Variants in RABL3 observed in about 807,000 individuals in gnomAD.
The protein encoded by RABL3 is RAB, member of RAS oncogene family like 3.
In RABL3, 31 loss-of-function variants were observed where a neutral mutation model predicts 31.8. The observed-to-expected ratio is 0.97, with a 90% CI of 0.73 to 1.31. RABL3 has a LOEUF of 1.31. RABL3 is among the 40% of genes most tolerant of loss of function. The pLI is 0.00. For missense variants in RABL3, 263 were observed against 279.6 expected (o/e 0.94, Z 0.42); for synonymous variants, 97 against 99.9 (o/e 0.97, Z 0.18).
chr3:120,726,431 G>A (rs1708821780), intron 2 of RABL3, among the ~76,000 whole-genome samples: 1 of 152,084 alleles, frequency 6.6e-6, no homozygotes, highest in Non-Finnish European at 1.5e-5. Context: ...TGGAGACTAG[G>A]CTGGGGCAAC....
intron 2 of RABL3, among the ~76,000 whole-genome samples, chr3:120,711,659 A>G (rs1326751127): frequency 6.6e-6 from 1 of 152,166 alleles, no homozygotes; most frequent in East Asian, 1.9e-4. Flanking sequence ...GTACTGTATA[A>G]CTATTCAGAA....
At chr3:120,699,905 T>C (rs1401052361) in intron 4 of RABL3, among the ~76,000 whole-genome samples, 1 of 152,168 alleles carries the variant, frequency 6.6e-6, no homozygotes, top group Non-Finnish European at 1.5e-5. Context: ...ATTCGCTTTG[T>C]TAGGGAATGA....
chr3:120,719,399 G>A (rs909357044), intron 2 of RABL3, among the ~76,000 whole-genome samples: 33 of 152,212 alleles, frequency 2.2e-4, no homozygotes, highest in African/African-American at 7.2e-4. Context: ...AGCAAGGCGA[G>A]GCATCGCCTC....
intron 2 of RABL3, 47 bp downstream of exon 2, chr3:120,730,648 GT>G: frequency 8.2e-7 from 1 of 1,219,666 alleles, no homozygotes; most frequent in African/African-American, 1.5e-5. Flanking sequence ...ATTTGAAGCA[GT>G]TATCTTTAGT....
chr3:120,691,913 G>GTGCGA, intron 6 of RABL3, among the ~76,000 whole-genome samples: 1 of 152,264 alleles, frequency 6.6e-6, no homozygotes, highest in Non-Finnish European at 1.5e-5. Flanking sequence ...GCTCTCTCTG[G>GTGCGA]TGCGACAGCC....
intron 2 of RABL3, among the ~76,000 whole-genome samples, chr3:120,728,392 G>A (rs1708846394): frequency 6.6e-6 from 1 of 152,146 alleles, no homozygotes; most frequent in Non-Finnish European, 1.5e-5. Flanking sequence ...AGAAGCGAAG[G>A]GCAATTGACT....
chr3:120,702,800 G>A (rs961062251), intron 4 of RABL3, among the ~76,000 whole-genome samples: 11 of 152,002 alleles, frequency 7.2e-5, no homozygotes, highest in South Asian at 2.1e-4. Context: ...CTCATGATCC[G>A]CCCGCCTTGG....
chr3:120,709,706 G>A (rs1708590286), intron 3 of RABL3, 74 bp downstream of exon 3: 2 of 1,110,912 alleles, frequency 1.8e-6, no homozygotes, highest in Non-Finnish European at 2.6e-6. Context: ...AGTCTGGCAT[G>A]CTATGGCATT....
In RABL3 at chr3:120,689,408, A is replaced by G. The variant is rs1440130968; in HGVS notation, c.*415T>C. ...GCTGGTTAACAAGACCGTTCCCCTC[A>G]AGAAGGTAAAACAATGGAGATACGT... On this transcript the variant is annotated 3_prime_UTR_variant, in exon 8 of 8. Coordinates refer to ENST00000273375, the MANE Select transcript of RABL3 (RefSeq NM_173825.5). 1.3e-5 allele frequency: 2 copies of G among 154,006 alleles called. No homozygotes were observed. Among genetic ancestry groups the G allele is most frequent in the Admixed American group, 1.3e-4 (2 of 15,430 alleles). 9.5% of individuals were successfully genotyped at this position (154,006 alleles called of 1,614,324 possible).
At chr3:120,705,934 G>A in intron 4 of RABL3, 66 bp downstream of exon 4, 1 of 925,062 alleles carries the variant, frequency 1.1e-6, no homozygotes, top group Non-Finnish European at 1.8e-6. Context: ...TTTACAAAGT[G>A]TTATTCAGGG....
intron 2 of RABL3, among the ~76,000 whole-genome samples, chr3:120,730,121 A>G (rs1184119221): frequency 2.6e-5 from 4 of 152,210 alleles, no homozygotes; most frequent in Non-Finnish European, 5.9e-5. Flanking sequence ...ATAACTATCA[A>G]TCTAGCCAAC....
In RABL3 at chr3:120,700,495, TA is replaced by T. The variant is rs1708481509; in HGVS notation, c.384-1923del. On this transcript the variant is annotated intron_variant, in intron 4 of 7. Transcript: ENST00000273375. The stretch of plus-strand genomic sequence containing the variant: ...CAACCAAAAAGGGAGAACCTAAGAT[TA>T]AAAGATACTTAAGAAACCAAATACA... Among the ~76,000 whole-genome samples the T allele has an allele frequency of 9.9e-5, 15 of 152,164 alleles. No individual in the cohort carries two copies. The South Asian group carries it at 3.1e-3, about 32-fold the overall frequency.
At chr3:120,717,105 A>G (rs573021159) in intron 2 of RABL3, among the ~76,000 whole-genome samples, 4 of 152,056 alleles carry the variant, frequency 2.6e-5, no homozygotes, top group African/African-American at 9.6e-5. Flanking sequence ...ATACAAAAAA[A>G]TTTAGCCAGG....
rs573767720 is a variant in RABL3, at chr3:120,693,083, G to T, written c.606+1070C>A. Among the ~76,000 whole-genome samples the T allele has an allele frequency of 8.5e-5, 13 of 152,222 alleles. No homozygotes were observed. The East Asian group carries it at 2.1e-3, about 25-fold the overall frequency. On this transcript the variant is annotated intron_variant, in intron 6 of 7. Transcript: ENST00000273375. ...ATAGCACACTGGAGAAAATGGAAGC[G>T]GTTGCCAATCACCCAACCCCCCCAC... is the stretch of plus-strand genomic sequence containing the variant.
chr3:120,727,103 T>C (rs1165972697), intron 2 of RABL3, among the ~76,000 whole-genome samples: 2 of 152,080 alleles, frequency 1.3e-5, no homozygotes, highest in East Asian at 1.9e-4. Flanking sequence ...CAATTACTGA[T>C]GTCAACAAGT....
chr3:120,740,124 T>G (rs1709023408), intron 1 of RABL3, among the ~76,000 whole-genome samples: 1 of 152,172 alleles, frequency 6.6e-6, no homozygotes, highest in Non-Finnish European at 1.5e-5. Context: ...AATACAGCTG[T>G]TTGGTAATAT....
At chr3:120,734,540 T>C (rs1254397759) in intron 1 of RABL3, among the ~76,000 whole-genome samples, 1 of 152,144 alleles carries the variant, frequency 6.6e-6, no homozygotes, top group East Asian at 1.9e-4. Flanking sequence ...TTTATTTCCT[T>C]CTCCTGCCTG....
Position 120,685,361 on chromosome 3 carries a change from G to C in RABL3, c.*4462C>G, listed in dbSNP as rs551594753. Among the ~76,000 whole-genome samples the C allele has an allele frequency of 9.9e-5, 15 of 152,188 alleles. No individual in the cohort carries two copies. The highest frequency in any genetic ancestry group is 2.1e-4 in the Non-Finnish European group (14 of 68,038). The stretch of plus-strand genomic sequence containing the variant: ...TGAGCGAGGTTTTACACCTTGGTTG[G>C]AGTTTAGGGGTTCCATTCTTTGTCA... On this transcript the variant is annotated 3_prime_UTR_variant, in exon 8 of 8. Coordinates refer to ENST00000273375, the MANE Select transcript of RABL3 (RefSeq NM_173825.5).
chr3:120,734,154 G>C (rs1413870297), intron 1 of RABL3, among the ~76,000 whole-genome samples: 1 of 152,188 alleles, frequency 6.6e-6, no homozygotes. Flanking sequence ...CCATTTTCAT[G>C]ATATTGATTC....
Sources: gnomAD v4.1 joint callset for allele counts (sites outside exome capture counted in the v4.1 genomes callset) on GRCh38, gnomAD v4.1.1 for gene constraint, MANE v1.5 for transcripts, NCBI Gene and HGNC (gene_info 2026-07-23, HGNC 2026-07-21) for gene names.